Variants in SLC10A7 observed in about 807,000 individuals in gnomAD.
SLC10A7 encodes the protein solute carrier family 10 member 7, also known as sodium/bile acid cotransporter 7.
SLC10A7 carries 29 observed loss-of-function variants against 43.2 expected under a neutral mutation model. The observed-to-expected ratio is 0.67, with a 90% CI of 0.50 to 0.92. SLC10A7 has a LOEUF of 0.92. SLC10A7 is among the 40% of genes least tolerant of loss of function. The pLI, the probability that SLC10A7 is intolerant of heterozygous loss-of-function variation, is 0.00. For synonymous variants in SLC10A7, 152 were observed against 144.8 expected (o/e 1.05, Z -0.35); for missense variants, 295 against 403.2 (o/e 0.73, Z 2.30).
At chr4:146,407,957 G>A (rs921043423) in intron 5 of SLC10A7, among the ~76,000 whole-genome samples, 3 of 152,102 alleles carry the variant, frequency 2.0e-5, no homozygotes, top group Admixed American at 1.3e-4. Flanking sequence ...GTGCCATAAA[G>A]GGAAAAACGT....
At chr4:146,432,596 A>C (rs980274321) in intron 5 of SLC10A7, among the ~76,000 whole-genome samples, 4 of 152,188 alleles carry the variant, frequency 2.6e-5, no homozygotes, top group Non-Finnish European at 5.9e-5. Flanking sequence ...ACTGAGGATA[A>C]GGGAGGAAAT....
At chr4:146,327,787 T>A (rs1733245584) in intron 5 of SLC10A7, among the ~76,000 whole-genome samples, 1 of 152,208 alleles carries the variant, frequency 6.6e-6, no homozygotes, top group South Asian at 2.1e-4. Flanking sequence ...TCCAGGGGCC[T>A]GAGGATTGAT....
chr4:146,384,457 A>T (rs4835304), intron 5 of SLC10A7, among the ~76,000 whole-genome samples: 35,925 of 151,944 alleles, frequency 0.24, 4,654 homozygotes, highest in African/African-American at 0.34. Flanking sequence ...GGAAATGGGT[A>T]AAAATACATA....
chr4:146,376,500 G>C (rs1031135755), intron 5 of SLC10A7, among the ~76,000 whole-genome samples: 1 of 152,172 alleles, frequency 6.6e-6, no homozygotes, highest in African/African-American at 2.4e-5. Flanking sequence ...GAGCAGAGCA[G>C]CATGGTAAAG....
At chr4:146,434,639 C>T (rs1249972727) in intron 5 of SLC10A7, among the ~76,000 whole-genome samples, 9 of 152,218 alleles carry the variant, frequency 5.9e-5, no homozygotes, top group African/African-American at 1.9e-4. Context: ...TCTCTGCTCA[C>T]TGCAACCTCC....
At chr4:146,473,134 A>T (rs1346651443) in intron 4 of SLC10A7, among the ~76,000 whole-genome samples, 1 of 152,216 alleles carries the variant, frequency 6.6e-6, no homozygotes, top group Non-Finnish European at 1.5e-5. Flanking sequence ...TAATCCAAGC[A>T]CATCCTAAGG....
At chr4:146,320,365 A>C (rs1732619358) in intron 6 of SLC10A7, among the ~76,000 whole-genome samples, 1 of 152,108 alleles carries the variant, frequency 6.6e-6, no homozygotes, top group Admixed American at 6.6e-5. Flanking sequence ...CATGAGGCCT[A>C]GGCTGGGTAA....
In SLC10A7 at chr4:146,509,975, T is replaced by C; in HGVS notation, c.258A>G (p.Ala86=). 2 of 1,613,888 alleles carry C rather than the reference T, an allele frequency of 1.2e-6. No homozygotes were observed. The highest frequency in any genetic ancestry group is 1.7e-6 in the Non-Finnish European group (2 of 1,179,876). ...AAAGCTGAAGAAAAAGCCATATTGT[T>C]GCTGGGAAGAATGCAAGAGTAAAGA... ...IQIFTLAFFP[A]TIWLFLQLLS... is the part of the protein sequence containing the mutation. Residue 86 remains alanine, a synonymous_variant, in exon 3 of 12, where the codon GCA becomes GCG. Coordinates refer to ENST00000335472, the MANE Select transcript of SLC10A7 (RefSeq NM_001029998.6).
rs554600513 is a variant in SLC10A7 at position 146,406,109 on chromosome 4, T to A, written c.435+36674A>T. Among the ~76,000 whole-genome samples, 46 of 152,276 alleles carry A rather than the reference T, an allele frequency of 3.0e-4. No individual in the cohort carries two copies. The South Asian group carries it at 4.3e-3, about 14-fold the overall frequency. On this transcript the variant is annotated intron_variant, in intron 5 of 11. Transcript: ENST00000335472. ...AACTTATAAGATCTGGAAAACTACT[T>A]CCAGTCTGGGTTAGTTAAGCATTCA... is the stretch of plus-strand genomic sequence containing the variant.
At chr4:146,271,890 C>T (rs912937375) in intron 10 of SLC10A7, among the ~76,000 whole-genome samples, 3 of 152,150 alleles carry the variant, frequency 2.0e-5, no homozygotes, top group Admixed American at 2.0e-4. Context: ...CTATTTCCTT[C>T]AGGTATTTTG....
intron 10 of SLC10A7, among the ~76,000 whole-genome samples, chr4:146,259,127 C>T (rs34821261): frequency 0.052 from 7,988 of 152,170 alleles, 305 homozygotes; most frequent in Non-Finnish European, 0.085. Context: ...GAGAAGATTG[C>T]GTGTGATGGA....
chr4:146,356,450 C>T (rs1735639988), intron 5 of SLC10A7, among the ~76,000 whole-genome samples: 1 of 152,038 alleles, frequency 6.6e-6, no homozygotes, highest in Non-Finnish European at 1.5e-5. Flanking sequence ...CTTCCTGAAA[C>T]ACTTAGTTCA....
intron 6 of SLC10A7, among the ~76,000 whole-genome samples, chr4:146,317,743 T>C (rs1323518388): frequency 1.3e-5 from 2 of 151,924 alleles, no homozygotes; most frequent in Non-Finnish European, 2.9e-5. Flanking sequence ...ACTGGGACTA[T>C]GGGTTCTTGG....
chr4:146,463,694 T>TTG (rs1732740905), intron 4 of SLC10A7, among the ~76,000 whole-genome samples: 1 of 151,988 alleles, frequency 6.6e-6, no homozygotes, highest in Non-Finnish European at 1.5e-5. Context: ...TAAGCTAGGA[T>TTG]TGTGTAACTG....
chr4:146,360,647 AG>A (rs1735980647), intron 5 of SLC10A7, among the ~76,000 whole-genome samples: 1 of 151,982 alleles, frequency 6.6e-6, no homozygotes, highest in African/African-American at 2.4e-5. Context: ...AGTAGAGACA[AG>A]GTCTTGCTAC....
intron 10 of SLC10A7, among the ~76,000 whole-genome samples, chr4:146,273,919 T>C (rs1252998359): frequency 2.6e-5 from 4 of 152,164 alleles, no homozygotes; most frequent in African/African-American, 9.6e-5. Context: ...CACTGACTTC[T>C]GGGAAGCAGT....
Position 146,306,012 on chromosome 4 carries a change from G to A in SLC10A7, c.472-3C>T. ...GGCACAGAAGAAGATGAACCAAGCT[G>A]TAAAACAAGAAAATAGGAGTTAGAA... On this transcript the variant is annotated splice_polypyrimidine_tract_variant and splice_region_variant and intron_variant, in intron 6 of 11. Transcript: ENST00000335472. The A allele has an allele frequency of 6.3e-7, 1 of 1,596,022 alleles. No individual in the cohort carries two copies. The highest frequency in any genetic ancestry group is 2.3e-5 in the East Asian group (1 of 44,266).
rs577051045 is a variant in SLC10A7 at position 146,415,595 on chromosome 4, T to A, written c.435+27188A>T. Among the ~76,000 whole-genome samples, 3 of 152,312 alleles carry A rather than the reference T, an allele frequency of 2.0e-5. No homozygotes were observed. The East Asian group carries it at 5.8e-4, about 29-fold the overall frequency. ...ATTGGAAATTCAGTCTCAGCAATAC[T>A]GTACCTGCCTCACAGGACAACTGTG... On this transcript the variant is annotated intron_variant, in intron 5 of 11. Coordinates refer to ENST00000335472, the MANE Select transcript of SLC10A7 (RefSeq NM_001029998.6).
At position 146,521,645 on chromosome 4, in the gene SLC10A7, G is replaced by C; in HGVS notation, c.73C>G (p.Leu25Val). 2 of 1,614,178 alleles carry C rather than the reference G, an allele frequency of 1.2e-6. No individual in the cohort carries two copies. Among genetic ancestry groups the C allele is most frequent in the African/African-American group, 1.3e-5 (1 of 75,048 alleles). Reference protein sequence around the residue: ...GIVLAIAGAKLEPSIGVNGGP... With the variant: ...GIVLAIAGAKVEPSIGVNGGP... ...CCATTCACCCCTATGGACGGCTCCA[G>C]TTTAGCTCCAGCGATCGCCAGCACT... Residue 25 changes from leucine to valine, a missense_variant, in exon 1 of 12, where the codon CTG becomes GTG. Leu to Val is a conservative substitution (Grantham distance 32). This residue lies in a region of SLC10A7 where 53 missense variants were observed against 40.7 expected (regional missense o/e 1.30). Coordinates refer to ENST00000335472, the MANE Select transcript of SLC10A7 (RefSeq NM_001029998.6).
Sources: allele counts gnomAD v4.1 joint callset (sites outside exome capture counted in the v4.1 genomes callset), GRCh38; gene constraint gnomAD v4.1.1; regional missense constraint gnomAD v4.1.1; transcripts MANE v1.5; gene names NCBI Gene and HGNC (gene_info 2026-07-23, HGNC 2026-07-21).